Variants in LZTFL1 observed in about 807,000 individuals in gnomAD.
LZTFL1 encodes leucine zipper transcription factor-like protein 1.
In LZTFL1, 25 loss-of-function variants were observed where a neutral mutation model predicts 45.9. The ratio of observed to expected loss-of-function variants is 0.54; its 90% CI spans 0.40 to 0.76. The LOEUF is 0.76. Ranked by LOEUF, LZTFL1 falls within the 30% of genes least tolerant of loss-of-function variation. The probability of loss-of-function intolerance (pLI) is 0.00; values close to 1 mark genes in which losing one functional copy is unlikely to be tolerated. For missense variants in LZTFL1, 277 were observed against 331.1 expected (o/e 0.84, Z 1.27); for synonymous variants, 93 against 117.4 (o/e 0.79, Z 1.35).
At chr3:45,871,109 T>C (rs969043339) in intron 2 of LZTFL1, among the ~76,000 whole-genome samples, 2 of 152,226 alleles carry the variant, frequency 1.3e-5, no homozygotes, top group Non-Finnish European at 2.9e-5. Context: ...CACCATCTCC[T>C]TGATGAACAT....
At chr3:45,842,154 A>G (rs1250610425), upstream of LZTFL1, 6 of 1,498,458 alleles carry the variant, frequency 4.0e-6, no homozygotes, top group Non-Finnish European at 5.3e-6. Context: ...GTGGACTGCA[A>G]TTATGCATTT....
chr3:45,905,344 G>T (rs896477566), intron 2 of LZTFL1, among the ~76,000 whole-genome samples: 1 of 152,188 alleles, frequency 6.6e-6, no homozygotes, highest in African/African-American at 2.4e-5. Context: ...TACATTATTA[G>T]AACAGACAAC....
At chr3:45,909,179 G>A (rs1397721378) in intron 2 of LZTFL1, among the ~76,000 whole-genome samples, 1 of 152,144 alleles carries the variant, frequency 6.6e-6, no homozygotes, top group South Asian at 2.1e-4. Flanking sequence ...ACATTATGGC[G>A]AGTTGTATAA....
intron 2 of LZTFL1, among the ~76,000 whole-genome samples, chr3:45,911,150 T>G (rs1419364368): frequency 6.6e-6 from 1 of 152,176 alleles, no homozygotes; most frequent in Non-Finnish European, 1.5e-5. Flanking sequence ...CCCTCTGCTC[T>G]TCCACTGGTC....
Position 45,824,453 on chromosome 3 carries a change from C to T in LZTFL1, c.*1861G>A, listed in dbSNP as rs1700614733. ...AAAGAATCATCACGTTGATTTACGT[C>T]AAAGAACATCATATTTGTTTATCTT... On this transcript the variant is annotated 3_prime_UTR_variant, in exon 10 of 10. Coordinates refer to ENST00000296135, the MANE Select transcript of LZTFL1 (RefSeq NM_020347.4). The T allele has an allele frequency of 5.6e-6, 1 of 177,570 alleles. No homozygotes were observed. Among genetic ancestry groups the T allele is most frequent in the Non-Finnish European group, 1.2e-5 (1 of 85,302 alleles). 11.0% of individuals were successfully genotyped at this position (177,570 alleles called of 1,614,324 possible).
At chr3:45,830,320 T>C (rs898264441) in intron 7 of LZTFL1, among the ~76,000 whole-genome samples, 2 of 152,218 alleles carry the variant, frequency 1.3e-5, no homozygotes, top group African/African-American at 4.8e-5. Flanking sequence ...AGACTGTACA[T>C]ACAATGACTT....
intron 2 of LZTFL1, among the ~76,000 whole-genome samples, chr3:45,876,321 A>G (rs1436277904): frequency 6.6e-6 from 1 of 152,212 alleles, no homozygotes; most frequent in Non-Finnish European, 1.5e-5. Context: ...TGCATTGGTC[A>G]TTTATTGGAT....
intron 2 of LZTFL1, chr3:45,859,118 A>T (rs1701440224): frequency 6.6e-6 from 1 of 152,262 alleles, no homozygotes; most frequent in Admixed American, 6.5e-5. Context: ...CGTTGATGAT[A>T]CACAACATGT....
At chr3:45,867,147 C>CAAAAAAAA (rs58937842) in intron 2 of LZTFL1, among the ~76,000 whole-genome samples, 1 of 63,244 alleles carries the variant, frequency 1.6e-5, no homozygotes, top group Non-Finnish European at 3.0e-5. Context: ...GACTCAATCT[C>CAAAAAAAA]AAAAAAAAAA....
intron 2 of LZTFL1, among the ~76,000 whole-genome samples, chr3:45,882,887 C>G (rs1390400150): frequency 6.6e-6 from 1 of 151,060 alleles, no homozygotes; most frequent in Non-Finnish European, 1.5e-5. Context: ...ATTAGAGATT[C>G]CTCTAGTGGG....
chr3:45,838,821 A>G (rs548032028), intron 1 of LZTFL1, among the ~76,000 whole-genome samples: 17 of 152,344 alleles, frequency 1.1e-4, no homozygotes, highest in African/African-American at 3.8e-4. Context: ...TAAGTCTTTA[A>G]GGTCTGGAGG....
In LZTFL1 at chr3:45,834,249, A is replaced by G; in HGVS notation, c.373T>C (p.Ser125Pro). Residue 125 changes from serine to proline, a missense_variant, in exon 4 of 10, where the codon TCA (serine) becomes CCA (proline). Physicochemically the swap from Ser to Pro is moderately conservative, Grantham distance 74 (BLOSUM62 -1). Coordinates refer to ENST00000296135, the MANE Select transcript of LZTFL1 (RefSeq NM_020347.4). ...AEFEKAEITS[S>P]NKKPILDVTK... ...GACCAAAAAGTTACCTTTTTGTTTG[A>G]AGATGTAATCTCTGCTTTTTCAAAT... 1 of 1,591,656 alleles carries G rather than the reference A, an allele frequency of 6.3e-7. No homozygotes were observed. Among genetic ancestry groups the G allele is most frequent in the Non-Finnish European group, 8.6e-7 (1 of 1,161,978 alleles).
At chr3:45,890,317 T>TATATATATAACATATATATA (rs1314296937) in intron 2 of LZTFL1, among the ~76,000 whole-genome samples, 1 of 61,368 alleles carries the variant, frequency 1.6e-5, no homozygotes, top group Non-Finnish European at 2.9e-5. Context: ...ATATATATAT[T>TATATATATAACATATATATA]TATATAAATA....
At position 45,826,281 on chromosome 3, in the gene LZTFL1, G is replaced by C. The variant is rs771526544; in HGVS notation, c.*33C>G. On this transcript the variant is annotated 3_prime_UTR_variant, in exon 10 of 10. Transcript: ENST00000296135. The stretch of plus-strand genomic sequence containing the variant: ...CTGAGGTGAGACTGCTTGTATGTTT[G>C]CATGTGGTAGCTTCCAGAGGAAATC... The C allele has an allele frequency of 2.5e-6, 4 of 1,604,428 alleles. No individual in the cohort carries two copies. The highest frequency in any genetic ancestry group is 8.5e-7 in the Non-Finnish European group (1 of 1,171,672).
chr3:45,888,421 T>C (rs1702049157), intron 2 of LZTFL1, among the ~76,000 whole-genome samples: 1 of 152,252 alleles, frequency 6.6e-6, no homozygotes, highest in Non-Finnish European at 1.5e-5. Context: ...TTTGTTGTTA[T>C]TTGCAGCCAT....
Position 45,890,271 on chromosome 3 carries a change from C to CAT in LZTFL1, c.-215+22847_-215+22848dup, listed in dbSNP as rs371319572. On this transcript the variant is annotated intron_variant, in intron 2 of 4. Transcript: ENST00000472635. ...CTGGGTATTAGAAATATATATATAA[C>CAT]ATATATATATATTTATATAAATATA... 6.9e-3 allele frequency among the ~76,000 whole-genome samples: 71 copies of CAT among 10,342 alleles called. 16 individuals carry two copies. Among genetic ancestry groups the CAT allele is most frequent in the African/African-American group, 0.031 (70 of 2,234 alleles). The allele number at this position is 10,342 out of a possible 152,430, so 6.8% of individuals were successfully genotyped here. A position where few individuals can be genotyped will look rare whatever the true frequency, so the allele number is the denominator to read the frequency against.
At chr3:45,832,347 A>G (rs1307124797) in intron 5 of LZTFL1, among the ~76,000 whole-genome samples, 3 of 152,218 alleles carry the variant, frequency 2.0e-5, no homozygotes, top group Non-Finnish European at 4.4e-5. Flanking sequence ...TACAAGGGTC[A>G]TGAAAAATAG....
At chr3:45,890,733 C>A (rs137964188) in intron 2 of LZTFL1, among the ~76,000 whole-genome samples, 9 of 152,228 alleles carry the variant, frequency 5.9e-5, no homozygotes, top group African/African-American at 2.2e-4. Flanking sequence ...GAAGAAAATG[C>A]ATCTTTCATT....
rs999906287 is a variant in LZTFL1, at chr3:45,907,642, C to G, written c.-215+5478G>C. Reference sequence around the variant, plus strand: ...GATGTGGCTCGCTGCGTGGGCATGGCAAGATGACGTGGCAAAGTCCCAGAG... The same window carrying G: ...GATGTGGCTCGCTGCGTGGGCATGGGAAGATGACGTGGCAAAGTCCCAGAG... On this transcript the variant is annotated intron_variant, in intron 2 of 4. Coordinates refer to the LZTFL1 transcript ENST00000472635. Among the ~76,000 whole-genome samples the G allele has an allele frequency of 1.2e-4, 18 of 152,338 alleles. No homozygotes were observed. In the East Asian group the frequency reaches 2.7e-3, roughly 23 times the overall value.
Sources: allele counts gnomAD v4.1 joint callset (sites outside exome capture counted in the v4.1 genomes callset), GRCh38; gene constraint gnomAD v4.1.1; transcripts MANE v1.5; gene names NCBI Gene and HGNC (gene_info 2026-07-23, HGNC 2026-07-21).